Variants in IMMP2L observed in about 807,000 individuals in gnomAD.
IMMP2L encodes the protein mitochondrial inner membrane protease subunit 2.
IMMP2L carries 18 observed loss-of-function variants against 19.3 expected under a neutral mutation model. The observed-to-expected ratio is 0.93, with a 90% confidence interval of 0.64 to 1.38. IMMP2L has a LOEUF of 1.38. IMMP2L is among the 40% of genes most tolerant of loss of function. The pLI is 0.00. For missense variants in IMMP2L, 233 were observed against 218.2 expected (o/e 1.07, Z -0.43); for synonymous variants, 76 against 73.0 (o/e 1.04, Z -0.21).
rs11979387 is a variant in IMMP2L at position 111,281,796 on chromosome 7, G to A, written c.239+205442C>T. On this transcript the variant is annotated intron_variant, in intron 3 of 5. Coordinates refer to ENST00000405709, the MANE Select transcript of IMMP2L (RefSeq NM_032549.4). ...ACAAACAAATTTGATTTCATACAGT[G>A]AAGAGACAGATCAGTCAGAGCAGTA... Among the ~76,000 whole-genome samples the A allele has an allele frequency of 5.4e-3, 825 of 152,300 alleles. 13 individuals carry two copies. The highest frequency in any genetic ancestry group is 0.018 in the African/African-American group (756 of 41,572).
chr7:111,011,325 T>C (rs931640324), intron 3 of IMMP2L, among the ~76,000 whole-genome samples: 1 of 152,116 alleles, frequency 6.6e-6, no homozygotes, highest in African/African-American at 2.4e-5. Context: ...TCAGACTATA[T>C]ACCTAGAGAA....
At chr7:111,139,514 T>C (rs985136097) in intron 3 of IMMP2L, among the ~76,000 whole-genome samples, 2 of 152,106 alleles carry the variant, frequency 1.3e-5, no homozygotes, top group Non-Finnish European at 2.9e-5. Context: ...TGGGAAAAAC[T>C]ATGAGAAAGG....
rs570092471 is a variant in IMMP2L, at chr7:111,330,072, T to C, written c.239+157166A>G. On this transcript the variant is annotated intron_variant, in intron 3 of 5. Coordinates refer to ENST00000405709, the MANE Select transcript of IMMP2L (RefSeq NM_032549.4). Reference sequence around the variant, plus strand: ...AATTAGGTAGATTTAAAAAACAACCTTGAAATAAGAATTAAAAACTAAGTA... The same window carrying C: ...AATTAGGTAGATTTAAAAAACAACCCTGAAATAAGAATTAAAAACTAAGTA... Among the ~76,000 whole-genome samples, 3 of 151,408 alleles carry C rather than the reference T, an allele frequency of 2.0e-5. No homozygotes were observed. The East Asian group carries it at 5.8e-4, about 30-fold the overall frequency.
At chr7:111,164,627 C>T (rs1216012818) in intron 3 of IMMP2L, among the ~76,000 whole-genome samples, 1 of 151,882 alleles carries the variant, frequency 6.6e-6, no homozygotes, top group African/African-American at 2.4e-5. Context: ...ACGCTGAGGC[C>T]CAGAAAACTG....
chr7:111,012,609 G>T (rs779006530), intron 3 of IMMP2L, among the ~76,000 whole-genome samples: 1 of 152,040 alleles, frequency 6.6e-6, no homozygotes, highest in African/African-American at 2.4e-5. Flanking sequence ...TGTTTTAGAA[G>T]GCCAATAAAT....
Position 111,204,879 on chromosome 7 carries a change from T to A in IMMP2L, c.240-241314A>T, listed in dbSNP as rs967742455. ...TGGGAGTATATTGGGATGTAAAGTG[T>A]GACAATATAGTAATCAGAATGAATT... On this transcript the variant is annotated intron_variant, in intron 3 of 5. Coordinates refer to ENST00000405709, the MANE Select transcript of IMMP2L (RefSeq NM_032549.4). Among the ~76,000 whole-genome samples, 56 of 152,222 alleles carry A rather than the reference T, an allele frequency of 3.7e-4. 2 individuals carry two copies. Among genetic ancestry groups the A allele is most frequent in the South Asian group, 2.1e-4 (1 of 4,834 alleles).
chr7:110,976,422 G>C (rs1288752171), intron 3 of IMMP2L, among the ~76,000 whole-genome samples: 2 of 151,888 alleles, frequency 1.3e-5, no homozygotes, highest in Non-Finnish European at 2.9e-5. Flanking sequence ...ATGTATCAAA[G>C]TTTCATTCCC....
At chr7:111,224,164 G>T (rs1222831512) in intron 3 of IMMP2L, among the ~76,000 whole-genome samples, 1 of 152,006 alleles carries the variant, frequency 6.6e-6, no homozygotes, top group Non-Finnish European at 1.5e-5. Context: ...TCACAGGACT[G>T]GTGTGATGGC....
intron 5 of IMMP2L, among the ~76,000 whole-genome samples, chr7:110,799,622 C>G (rs774116823): frequency 6.6e-6 from 1 of 151,916 alleles, no homozygotes; most frequent in African/African-American, 2.4e-5. Flanking sequence ...CACATTTACT[C>G]GAGGAACTAC....
intron 4 of IMMP2L, among the ~76,000 whole-genome samples, chr7:110,944,487 G>A (rs947959738): frequency 8.6e-5 from 13 of 151,888 alleles, no homozygotes; most frequent in African/African-American, 2.7e-4. Flanking sequence ...GTGTGTGCGC[G>A]TGTGTGTGTA....
chr7:110,889,377 A>C (rs933466337), intron 4 of IMMP2L, among the ~76,000 whole-genome samples: 5 of 152,084 alleles, frequency 3.3e-5, no homozygotes, highest in African/African-American at 1.2e-4. Context: ...GTGATGGGAG[A>C]TAGTGACAGA....
intron 3 of IMMP2L, among the ~76,000 whole-genome samples, chr7:111,003,677 A>C (rs926178683): frequency 6.6e-6 from 1 of 151,902 alleles, no homozygotes; most frequent in Non-Finnish European, 1.5e-5. Flanking sequence ...ACACCCATCT[A>C]ATTTTTAAAT....
intron 3 of IMMP2L, among the ~76,000 whole-genome samples, chr7:111,441,219 C>T (rs1229628289): frequency 2.6e-5 from 4 of 151,890 alleles, no homozygotes; most frequent in Non-Finnish European, 5.9e-5. Flanking sequence ...CACAACCTGG[C>T]TAACTGTTCA....
chr7:110,980,008 T>C (rs1821098612), intron 3 of IMMP2L, among the ~76,000 whole-genome samples: 4 of 152,148 alleles, frequency 2.6e-5, no homozygotes, highest in Admixed American at 1.3e-4. Flanking sequence ...ACTAATCAAG[T>C]GCTATCATAT....
At chr7:111,487,933 A>C (rs944385309) in intron 2 of IMMP2L, among the ~76,000 whole-genome samples, 1 of 152,160 alleles carries the variant, frequency 6.6e-6, no homozygotes, top group Non-Finnish European at 1.5e-5. Flanking sequence ...CTTTCATCCT[A>C]GGATTCAGAG....
intron 3 of IMMP2L, among the ~76,000 whole-genome samples, chr7:111,359,923 G>A (rs1441912288): frequency 1.3e-5 from 2 of 151,946 alleles, no homozygotes; most frequent in Non-Finnish European, 2.9e-5. Flanking sequence ...GAATTAATGG[G>A]ATAAATGTTC....
In IMMP2L at chr7:110,983,226, A is replaced by G. The variant is rs1821490434; in HGVS notation, c.240-19661T>C. ...AACTAACAAAATACTGAGAATAATT[A>G]AAGTAAGTAAATTATTAGATCCTAG... is the stretch of plus-strand genomic sequence containing the variant. On this transcript the variant is annotated intron_variant, in intron 3 of 5. Coordinates refer to ENST00000405709, the MANE Select transcript of IMMP2L (RefSeq NM_032549.4). Among the ~76,000 whole-genome samples, 4 of 152,118 alleles carry G rather than the reference A, an allele frequency of 2.6e-5. 1 individual carries two copies. The South Asian group carries it at 8.3e-4, about 31-fold the overall frequency.
intron 3 of IMMP2L, among the ~76,000 whole-genome samples, chr7:111,155,827 T>C (rs537543052): frequency 6.6e-6 from 1 of 152,242 alleles, no homozygotes; most frequent in East Asian, 1.9e-4. Flanking sequence ...AATGAACTCA[T>C]TTATGTCCAC....
intron 3 of IMMP2L, among the ~76,000 whole-genome samples, chr7:111,081,824 T>A (rs1792126495): frequency 6.6e-6 from 1 of 152,122 alleles, no homozygotes. Flanking sequence ...TAAAATAACG[T>A]CATTGACCAT....
Sources: allele counts gnomAD v4.1 joint callset (sites outside exome capture counted in the v4.1 genomes callset), GRCh38; gene constraint gnomAD v4.1.1; transcripts MANE v1.5; gene names NCBI Gene and HGNC (gene_info 2026-07-23, HGNC 2026-07-21).